SH3GL2: variants seen among roughly 807,000 people sequenced by gnomAD.
The protein encoded by SH3GL2 is SH3 domain containing GRB2 like 2, endophilin A1.
SH3GL2 carries 24 observed loss-of-function variants against 46.0 expected under a neutral mutation model. The ratio of observed to expected loss-of-function variants is 0.52; its 90% CI spans 0.38 to 0.73. The LOEUF is 0.73. Ranked by LOEUF, SH3GL2 falls within the 30% of genes least tolerant of loss-of-function variation. The pLI is 0.00. For synonymous variants in SH3GL2, 196 were observed against 147.1 expected (o/e 1.33, Z -2.40); for missense variants, 413 against 424.2 (o/e 0.97, Z 0.23).
chr9:17,623,001 C>CCTTTCG (rs1563786465), intron 1 of SH3GL2, among the ~76,000 whole-genome samples: 3 of 80,442 alleles, frequency 3.7e-5, no homozygotes, highest in Admixed American at 2.4e-4. Context: ...CTTTCCTTTC[C>CCTTTCG]TTTCCTTTCC....
intron 2 of SH3GL2, among the ~76,000 whole-genome samples, chr9:17,749,432 A>G (rs556773671): frequency 6.6e-6 from 1 of 152,104 alleles, no homozygotes; most frequent in South Asian, 2.1e-4. Flanking sequence ...CCCTCCTTGT[A>G]CTTTGATGCT....
intron 1 of SH3GL2, among the ~76,000 whole-genome samples, chr9:17,630,684 T>G (rs1262702416): frequency 2.6e-5 from 4 of 152,204 alleles, no homozygotes; most frequent in Admixed American, 1.3e-4. Flanking sequence ...AAAGATGCAC[T>G]GATTAAGGAA....
At chr9:17,701,073 A>G (rs1821333300) in intron 1 of SH3GL2, among the ~76,000 whole-genome samples, 1 of 152,170 alleles carries the variant, frequency 6.6e-6, no homozygotes, top group Admixed American at 6.6e-5. Context: ...ATCATTCCAT[A>G]GATTCAGCTT....
chr9:17,653,604 C>T (rs771618908), intron 1 of SH3GL2, among the ~76,000 whole-genome samples: 3 of 152,154 alleles, frequency 2.0e-5, no homozygotes, highest in Non-Finnish European at 2.9e-5. Context: ...GAATGTGTCC[C>T]TTCCCAAGTC....
At chr9:17,741,850 T>G (rs1822536734) in intron 1 of SH3GL2, among the ~76,000 whole-genome samples, 1 of 152,094 alleles carries the variant, frequency 6.6e-6, no homozygotes, top group South Asian at 2.1e-4. Context: ...TGATGTCTCA[T>G]TAAGAGTACA....
intron 1 of SH3GL2, among the ~76,000 whole-genome samples, chr9:17,638,682 T>C (rs1246438087): frequency 6.6e-6 from 1 of 152,238 alleles, no homozygotes; most frequent in African/African-American, 2.4e-5. Context: ...GCTAAGGCCA[T>C]ACCACCAGCC....
At chr9:17,608,354 G>T (rs1818799326) in intron 1 of SH3GL2, among the ~76,000 whole-genome samples, 2 of 151,974 alleles carry the variant, frequency 1.3e-5, no homozygotes, top group African/African-American at 4.8e-5. Flanking sequence ...CACCGTGTTA[G>T]CCGGGATGGT....
At chr9:17,780,377 C>G (rs1181814759) in intron 3 of SH3GL2, among the ~76,000 whole-genome samples, 2 of 152,000 alleles carry the variant, frequency 1.3e-5, no homozygotes, top group African/African-American at 2.4e-5. Context: ...CTGTAGAATT[C>G]CCTTGTGAGA....
At chr9:17,738,938 A>G (rs1469460047) in intron 1 of SH3GL2, among the ~76,000 whole-genome samples, 2 of 152,132 alleles carry the variant, frequency 1.3e-5, no homozygotes, top group African/African-American at 2.4e-5. Flanking sequence ...AAACAGCTTC[A>G]CAGCTATTGC....
At chr9:17,713,400 C>G (rs924882500) in intron 1 of SH3GL2, among the ~76,000 whole-genome samples, 2 of 151,168 alleles carry the variant, frequency 1.3e-5, no homozygotes, top group Non-Finnish European at 3.0e-5. Context: ...TTTTATTTCA[C>G]TGATTTTTTG....
intron 1 of SH3GL2, among the ~76,000 whole-genome samples, chr9:17,622,823 G>C (rs1197740816): frequency 1.3e-5 from 2 of 152,100 alleles, no homozygotes; most frequent in African/African-American, 4.8e-5. Context: ...GGCAGGGTAT[G>C]TGCTTGGGGC....
At chr9:17,640,459 A>T (rs1588197189) in intron 1 of SH3GL2, among the ~76,000 whole-genome samples, 1 of 151,784 alleles carries the variant, frequency 6.6e-6, no homozygotes, top group Admixed American at 6.6e-5. Flanking sequence ...TATGGGACAC[A>T]TTTTTTTTGT....
At chr9:17,735,303 A>G (rs1353936329) in intron 1 of SH3GL2, among the ~76,000 whole-genome samples, 1 of 152,122 alleles carries the variant, frequency 6.6e-6, no homozygotes. Flanking sequence ...GAATCCTGCA[A>G]TAGGACTTAG....
chr9:17,729,914 T>G (rs1822126007), intron 1 of SH3GL2, among the ~76,000 whole-genome samples: 1 of 152,166 alleles, frequency 6.6e-6, no homozygotes. Flanking sequence ...GCTTTGTTGT[T>G]TTTGCTTAGG....
intron 1 of SH3GL2, among the ~76,000 whole-genome samples, chr9:17,710,670 T>C (rs1821596398): frequency 1.3e-5 from 2 of 152,024 alleles, no homozygotes; most frequent in African/African-American, 4.8e-5. Flanking sequence ...AAACAAAATG[T>C]GGTATATATA....
intron 1 of SH3GL2, among the ~76,000 whole-genome samples, chr9:17,713,954 T>G (rs1198215335): frequency 6.6e-6 from 1 of 151,736 alleles, no homozygotes; most frequent in Non-Finnish European, 1.5e-5. Flanking sequence ...TCCATTTGTT[T>G]TAATTATTGA....
intron 1 of SH3GL2, among the ~76,000 whole-genome samples, chr9:17,635,982 A>G (rs1178526801): frequency 6.6e-6 from 1 of 152,194 alleles, no homozygotes; most frequent in African/African-American, 2.4e-5. Flanking sequence ...TGTGGGCCCA[A>G]GACCTGCCAA....
chr9:17,641,532 C>T (rs1216704458), intron 1 of SH3GL2, among the ~76,000 whole-genome samples: 1 of 152,060 alleles, frequency 6.6e-6, no homozygotes, highest in Non-Finnish European at 1.5e-5. Flanking sequence ...TGGTAGTTTG[C>T]TGCACCCATC....
At chr9:17,624,371 A>C (rs1392817299) in intron 1 of SH3GL2, among the ~76,000 whole-genome samples, 1 of 152,130 alleles carries the variant, frequency 6.6e-6, no homozygotes. Context: ...CTTCTCCTCA[A>C]AGTCAGTGCA....
Sources: allele counts gnomAD v4.1 joint callset (sites outside exome capture counted in the v4.1 genomes callset), GRCh38; gene constraint gnomAD v4.1.1; transcripts MANE v1.5; gene names NCBI Gene and HGNC (gene_info 2026-07-23, HGNC 2026-07-21).